Variants in TXN2 observed in about 807,000 individuals in gnomAD.
TXN2 encodes the protein thioredoxin, mitochondrial.
TXN2 carries 12 observed loss-of-function variants against 14.6 expected under a neutral mutation model. That is an observed-to-expected ratio of 0.82 (90% CI 0.53 to 1.33). The LOEUF is 1.33. TXN2 is among the 40% of genes most tolerant of loss of function. The pLI is 0.00. For synonymous variants in TXN2, 89 were observed against 81.0 expected, an observed-to-expected ratio of 1.10 and a Z score of -0.53; for missense variants, 173 against 207.7, an observed-to-expected ratio of 0.83 and a Z score of 1.03.
intron 3 of TXN2, among the ~76,000 whole-genome samples, chr22:36,470,735 T>C (rs1005589117): frequency 2.7e-5 from 4 of 148,788 alleles, no homozygotes; most frequent in Non-Finnish European, 4.4e-5. Context: ...CAGGAATTCA[T>C]GACCAGCCTG....
intron 3 of TXN2, among the ~76,000 whole-genome samples, chr22:36,474,210 G>A (rs1402882751): frequency 6.6e-6 from 1 of 152,038 alleles, no homozygotes; most frequent in Non-Finnish European, 1.5e-5. Context: ...CCCTCCCCCA[G>A]CCCCTGTAAA....
At chr22:36,469,765 GA>G (rs768342677) in intron 3 of TXN2, among the ~76,000 whole-genome samples, 5 of 152,316 alleles carry the variant, frequency 3.3e-5, no homozygotes, top group Non-Finnish European at 5.9e-5. Context: ...AGACCAGCCT[GA>G]CCAACATGGT....
At chr22:36,477,293 C>A (rs558176616) in intron 2 of TXN2, among the ~76,000 whole-genome samples, 1 of 152,140 alleles carries the variant, frequency 6.6e-6, no homozygotes, top group Non-Finnish European at 1.5e-5. Flanking sequence ...CTGCAAGCTC[C>A]GCCTCCCTGG....
At chr22:36,472,737 T>C (rs745428877) in intron 3 of TXN2, among the ~76,000 whole-genome samples, 19 of 151,826 alleles carry the variant, frequency 1.3e-4, no homozygotes, top group Non-Finnish European at 2.6e-4. Flanking sequence ...GGTGGAACGG[T>C]TCTGTATGGC....
At chr22:36,481,022 G>A (rs1043094208) in intron 1 of TXN2, 185 bp from the exon 2 acceptor site, 66 of 592,946 alleles carry the variant, frequency 1.1e-4, no homozygotes, top group Admixed American at 3.0e-4. Flanking sequence ...GGAACAGCTA[G>A]GCAAACCAGA....
At chr22:36,470,858 G>A (rs1450369989) in intron 3 of TXN2, among the ~76,000 whole-genome samples, 6 of 151,858 alleles carry the variant, frequency 4.0e-5, no homozygotes, top group Non-Finnish European at 7.4e-5. Flanking sequence ...GCTTGAACAC[G>A]CACAGACCCT....
intron 2 of TXN2, among the ~76,000 whole-genome samples, chr22:36,478,557 T>G (rs1194846158): frequency 6.6e-6 from 1 of 152,156 alleles, no homozygotes; most frequent in Non-Finnish European, 1.5e-5. Context: ...TGGCGCGATC[T>G]CGGCTCACTG....
chr22:36,479,506 A>G (rs1373365344), intron 2 of TXN2, among the ~76,000 whole-genome samples: 1 of 151,530 alleles, frequency 6.6e-6, no homozygotes, highest in East Asian at 1.9e-4. Context: ...TAATTTTTGT[A>G]TTTTTGGTAG....
intron 1 of TXN2, 140 bp from the exon 2 acceptor site, chr22:36,480,977 C>T (rs1933490262): frequency 1.1e-6 from 1 of 940,748 alleles, no homozygotes; most frequent in African/African-American, 1.7e-5. Context: ...AGATTTGTAG[C>T]GTGGAAGTGA....
intron 3 of TXN2, among the ~76,000 whole-genome samples, chr22:36,472,727 G>A (rs973301967): frequency 8.5e-5 from 13 of 152,162 alleles, no homozygotes; most frequent in African/African-American, 2.7e-4. Context: ...AACCGAGGGC[G>A]GTGGAACGGT....
chr22:36,475,385 A>C (rs1414168420), intron 3 of TXN2, among the ~76,000 whole-genome samples: 1 of 152,180 alleles, frequency 6.6e-6, no homozygotes, highest in Non-Finnish European at 1.5e-5. Flanking sequence ...TCTCGAAAAA[A>C]CAAAAACCCT....
Position 36,467,435 on chromosome 22 carries a change from G to A in TXN2, c.*369C>T. Reference sequence around the variant, plus strand: ...AAAGAGAAATGTAGGTGGCAGACGAGCCAGGCACGAGGTTTCAGATTGGAA... The same window carrying A: ...AAAGAGAAATGTAGGTGGCAGACGAACCAGGCACGAGGTTTCAGATTGGAA... On this transcript the variant is annotated 3_prime_UTR_variant, in exon 4 of 4. Coordinates refer to ENST00000216185, the MANE Select transcript of TXN2 (RefSeq NM_012473.4). 1 of 207,426 alleles carries A rather than the reference G, an allele frequency of 4.8e-6. No individual in the cohort carries two copies. The highest frequency in any genetic ancestry group is 9.7e-6 in the Non-Finnish European group (1 of 102,624). The allele number at this position is 207,426 out of a possible 1,614,324, so 12.8% of individuals were successfully genotyped here. A position where few individuals can be genotyped will look rare whatever the true frequency, so the allele number is the denominator to read the frequency against.
At position 36,467,297 on chromosome 22, in the gene TXN2, G is replaced by A. The variant is rs1933179675; in HGVS notation, c.*507C>T. 1 of 158,330 alleles carries A rather than the reference G, an allele frequency of 6.3e-6. No individual in the cohort carries two copies. Among genetic ancestry groups the A allele is most frequent in the African/African-American group, 2.4e-5 (1 of 41,504 alleles). 9.8% of individuals were successfully genotyped at this position (158,330 alleles called of 1,614,324 possible). A position where few individuals can be genotyped will look rare whatever the true frequency, so the allele number is the denominator to read the frequency against. ...GGGTCTGTTCTTCACAGTAGGAGGT[G>A]GAAGGGATGACTAAGTTCTTTATCA... On this transcript the variant is annotated 3_prime_UTR_variant, in exon 4 of 4. Coordinates refer to ENST00000216185, the MANE Select transcript of TXN2 (RefSeq NM_012473.4).
intron 3 of TXN2, among the ~76,000 whole-genome samples, chr22:36,470,761 C>T (rs10212064): frequency 0.022 from 3,309 of 148,976 alleles, 65 homozygotes; most frequent in African/African-American, 0.048. Flanking sequence ...CATAGCAAGA[C>T]GTCGTCTCCA....
At chr22:36,468,802 G>A (rs529441163) in intron 3 of TXN2, 213 of 334,500 alleles carry the variant, frequency 6.4e-4, no homozygotes, top group Non-Finnish European at 1.2e-3. Context: ...AGCATTTTGG[G>A]AGGCTGAGGT....
chr22:36,467,562 A>G lies in TXN2; in HGVS notation c.*242T>C, dbSNP rs571790997. 20 of 494,708 alleles carry G rather than the reference A, an allele frequency of 4.0e-5. No homozygotes were observed. In the Admixed American group the frequency reaches 5.5e-4, roughly 14 times the overall value. 30.6% of individuals were successfully genotyped at this position (494,708 alleles called of 1,614,324 possible). On this transcript the variant is annotated 3_prime_UTR_variant, in exon 4 of 4. Coordinates refer to ENST00000216185, the MANE Select transcript of TXN2 (RefSeq NM_012473.4). ...CTGGGAGAACTGCCATAGGCCCTAG[A>G]AGGAGGGATGAAAGGCGTATGGGAG... is the stretch of plus-strand genomic sequence containing the variant.
In TXN2 at chr22:36,467,749, C is replaced by A; in HGVS notation, c.*55G>T. On this transcript the variant is annotated 3_prime_UTR_variant, in exon 4 of 4. Coordinates refer to ENST00000216185, the MANE Select transcript of TXN2 (RefSeq NM_012473.4). Reference sequence around the variant, plus strand: ...AGCAGGAAGGGCTGGCATGGAAGGGCTGAGTTCTATTGGGGTCCCACGCGG... The same window carrying A: ...AGCAGGAAGGGCTGGCATGGAAGGGATGAGTTCTATTGGGGTCCCACGCGG... 1.4e-6 allele frequency: 2 copies of A among 1,464,756 alleles called. No homozygotes were observed. The highest frequency in any genetic ancestry group is 1.9e-6 in the Non-Finnish European group (2 of 1,046,336). 90.7% of individuals were successfully genotyped at this position (1,464,756 alleles called of 1,614,324 possible).
intron 3 of TXN2, among the ~76,000 whole-genome samples, chr22:36,474,933 T>A (rs546644279): frequency 1.3e-5 from 2 of 152,372 alleles, no homozygotes; most frequent in South Asian, 4.1e-4. Flanking sequence ...ACCTGGCCCC[T>A]GCTGGTCTGT....
Position 36,467,543 on chromosome 22 carries a change from G to A in TXN2, c.*261C>T. On this transcript the variant is annotated 3_prime_UTR_variant, in exon 4 of 4. Transcript: ENST00000216185. ...CAGGCTCTCGCCACACATCCTGGGA[G>A]AACTGCCATAGGCCCTAGAAGGAGG... 1 of 442,482 alleles carries A rather than the reference G, an allele frequency of 2.3e-6. No homozygotes were observed. Among genetic ancestry groups the A allele is most frequent in the Non-Finnish European group, 4.2e-6 (1 of 237,978 alleles). The allele number at this position is 442,482 out of a possible 1,614,324, so 27.4% of individuals were successfully genotyped here.
Sources: gnomAD v4.1 joint callset for allele counts (sites outside exome capture counted in the v4.1 genomes callset) on GRCh38, gnomAD v4.1.1 for gene constraint, MANE v1.5 for transcripts, NCBI Gene and HGNC (gene_info 2026-07-23, HGNC 2026-07-21) for gene names.